The following CDK17 variants were observed in gnomAD, a reference collection of about 807,000 sequenced individuals.
CDK17 encodes the protein cyclin-dependent kinase 17.
In CDK17, 24 loss-of-function variants were observed where a neutral mutation model predicts 77.6. The ratio of observed to expected loss-of-function variants is 0.31; its 90% CI spans 0.22 to 0.44. The LOEUF is 0.44. Among genes scored for constraint, CDK17 ranks in the 20% least tolerant of loss-of-function variants. CDK17 has a pLI of 1.00. For missense variants in CDK17, 429 were observed against 622.5 expected, an observed-to-expected ratio of 0.69 and a Z score of 3.31; for synonymous variants, 203 against 210.4, an observed-to-expected ratio of 0.96 and a Z score of 0.30.
intron 1 of CDK17, among the ~76,000 whole-genome samples, chr12:96,350,671 CAA>C (rs762969926): frequency 9.2e-5 from 14 of 152,078 alleles, no homozygotes; most frequent in East Asian, 1.9e-4. Context: ...TGTTTTCATG[CAA>C]AAGAGTGAAA....
At chr12:96,313,875 A>G (rs1174899799) in intron 3 of CDK17, among the ~76,000 whole-genome samples, 7 of 152,228 alleles carry the variant, frequency 4.6e-5, no homozygotes, top group Non-Finnish European at 1.0e-4. Flanking sequence ...TATTCTTTCA[A>G]TTAAATAATG....
At chr12:96,325,362 G>C (rs1259529743) in intron 2 of CDK17, among the ~76,000 whole-genome samples, 1 of 152,210 alleles carries the variant, frequency 6.6e-6, no homozygotes, top group Admixed American at 6.5e-5. Context: ...GATACCTCCT[G>C]ATCAGGGGAT....
chr12:96,335,488 C>G (rs1242473625), intron 1 of CDK17, among the ~76,000 whole-genome samples: 1 of 152,196 alleles, frequency 6.6e-6, no homozygotes, highest in Non-Finnish European at 1.5e-5. Context: ...TGCCACACAG[C>G]AGACACTTTC....
intron 5 of CDK17, among the ~76,000 whole-genome samples, chr12:96,308,731 A>AAATAATAATCAT (rs1952608930): frequency 7.5e-6 from 1 of 132,572 alleles, no homozygotes; most frequent in Admixed American, 7.8e-5. Context: ...CCGTCTCCAA[A>AAATAATAATCAT]AATAATAATA....
At chr12:96,364,612 G>A (rs538762300) in intron 1 of CDK17, among the ~76,000 whole-genome samples, 3 of 151,928 alleles carry the variant, frequency 2.0e-5, no homozygotes, top group Admixed American at 6.6e-5. Flanking sequence ...TTTTCCCATC[G>A]TTTTCTCCTT....
At chr12:96,393,602 G>A (rs994799349) in intron 1 of CDK17, among the ~76,000 whole-genome samples, 6 of 151,798 alleles carry the variant, frequency 4.0e-5, no homozygotes, top group South Asian at 4.2e-4. Context: ...GACTGGTGGC[G>A]CTGAACCTGT....
At chr12:96,284,794 C>T (rs577084515) in intron 13 of CDK17, among the ~76,000 whole-genome samples, 102 of 152,106 alleles carry the variant, frequency 6.7e-4, no homozygotes, top group Admixed American at 2.7e-3. Context: ...AAACTCCCAA[C>T]CTCAGGTGAT....
At chr12:96,291,105 C>A (rs962082653) in intron 10 of CDK17, among the ~76,000 whole-genome samples, 1 of 128,528 alleles carries the variant, frequency 7.8e-6, no homozygotes, top group South Asian at 2.6e-4. Flanking sequence ...CACAAGAAGT[C>A]ATATTTACTA....
At chr12:96,328,958 G>A (rs1034735246) in intron 2 of CDK17, among the ~76,000 whole-genome samples, 2 of 152,012 alleles carry the variant, frequency 1.3e-5, no homozygotes, top group Admixed American at 1.3e-4. Flanking sequence ...TAATTAGCTG[G>A]CCAATTCAAT....
chr12:96,382,566 A>C (rs941585336), intron 1 of CDK17, among the ~76,000 whole-genome samples: 4 of 152,078 alleles, frequency 2.6e-5, no homozygotes, highest in Non-Finnish European at 4.4e-5. Context: ...AAAAAAGAAA[A>C]CTTCAGAACA....
chr12:96,378,359 A>G (rs1674168372), intron 1 of CDK17, among the ~76,000 whole-genome samples: 1 of 152,216 alleles, frequency 6.6e-6, no homozygotes, highest in Admixed American at 6.5e-5. Context: ...GAACTCTTTC[A>G]GTTGGCTGTG....
intron 4 of CDK17, 97 bp from the exon 5 acceptor site, chr12:96,311,274 T>C (rs3759367): frequency 0.043 from 45,734 of 1,069,000 alleles, 1,273 homozygotes; most frequent in East Asian, 0.12. Context: ...TGATAAGTAA[T>C]TGTAAAGTTT....
chr12:96,286,348 A>G (rs1952246412), intron 12 of CDK17, among the ~76,000 whole-genome samples, 200 bp from the exon 13 acceptor site: 1 of 151,940 alleles, frequency 6.6e-6, no homozygotes, highest in African/African-American at 2.4e-5. Context: ...GATACTGTAA[A>G]AAGGATGCCT....
intron 2 of CDK17, among the ~76,000 whole-genome samples, chr12:96,330,622 T>C (rs1424541901): frequency 6.6e-6 from 1 of 152,142 alleles, no homozygotes; most frequent in Non-Finnish European, 1.5e-5. Flanking sequence ...AATCATAGAG[T>C]ATTTTGGGTC....
intron 9 of CDK17, 116 bp downstream of exon 9, chr12:96,297,154 T>C: frequency 1.7e-6 from 1 of 598,234 alleles, no homozygotes; most frequent in Non-Finnish European, 2.8e-6. Flanking sequence ...ATAACCTATT[T>C]AAAAGGCCAA....
intron 1 of CDK17, among the ~76,000 whole-genome samples, chr12:96,339,776 AAAAATT>A (rs2137152000): frequency 6.6e-6 from 1 of 152,000 alleles, no homozygotes; most frequent in African/African-American, 2.4e-5. Flanking sequence ...CTAAAAATAT[AAAAATT>A]AGCCAGGCAT....
rs967484309 is a variant in CDK17, at chr12:96,320,026, G to A, written c.283+3922C>T. Among the ~76,000 whole-genome samples the A allele has an allele frequency of 9.9e-5, 15 of 152,140 alleles. 1 individual carries two copies. Among genetic ancestry groups the A allele is most frequent in the East Asian group, 1.9e-4 (1 of 5,174 alleles). On this transcript the variant is annotated intron_variant, in intron 3 of 16. Transcript: ENST00000261211. Reference sequence around the variant, plus strand: ...AGTCAAATTGTCCCTGTTTGCAGACGACATGATTATCTAGAAAACCCCATC... The same window carrying A: ...AGTCAAATTGTCCCTGTTTGCAGACAACATGATTATCTAGAAAACCCCATC...
chr12:96,386,259 G>A (rs937887089), intron 1 of CDK17, among the ~76,000 whole-genome samples: 2 of 152,166 alleles, frequency 1.3e-5, no homozygotes, highest in African/African-American at 2.4e-5. Context: ...GCCTCCCAAA[G>A]TGCTGGGATT....
chr12:96,297,281 G>T lies in CDK17; in HGVS notation c.862C>A (p.His288Asn), dbSNP rs200617439. 346 of 1,607,938 alleles carry T rather than the reference G, an allele frequency of 2.2e-4. 1 individual carries two copies. Among genetic ancestry groups the T allele is most frequent in the Non-Finnish European group, 2.8e-4 (335 of 1,175,844 alleles). The change falls in exon 9 of 17, where the codon CAC becomes AAC. Residue 288 changes from histidine (H) to asparagine (N), a missense_variant. Transcript: ENST00000261211. ...GCAAGAAAACATACCTTTACGTTGT[G>T]CATACTCATGATGTTTCCACAGTCA... ...MDDCGNIMSM[H>N]NVKLFLYQIL...
Sources: gnomAD v4.1 joint callset for allele counts (sites outside exome capture counted in the v4.1 genomes callset) on GRCh38, gnomAD v4.1.1 for gene constraint, MANE v1.5 for transcripts, NCBI Gene and HGNC (gene_info 2026-07-23, HGNC 2026-07-21) for gene names.